Variants in EYA1 observed in about 807,000 individuals in gnomAD.
EYA1 encodes protein phosphatase EYA1.
EYA1 carries 16 observed loss-of-function variants against 82.0 expected under a neutral mutation model. The observed-to-expected ratio is 0.20, with a 90% CI of 0.13 to 0.30. EYA1 has a LOEUF of 0.30. Ranked by LOEUF, EYA1 falls within the 10% of genes least tolerant of loss-of-function variation. The pLI is 1.00. For missense variants in EYA1, 633 were observed against 730.7 expected (o/e 0.87, Z 1.54); for synonymous variants, 261 against 264.4 (o/e 0.99, Z 0.12).
intron 1 of EYA1, among the ~76,000 whole-genome samples, chr8:71,538,278 C>G (rs958247166): frequency 6.6e-6 from 1 of 152,276 alleles, no homozygotes; most frequent in African/African-American, 2.4e-5. Context: ...CTACCTGTCT[C>G]CCCCGCTAGA....
intron 2 of EYA1, among the ~76,000 whole-genome samples, chr8:71,415,119 G>A (rs987037400): frequency 2.6e-5 from 4 of 152,062 alleles, no homozygotes; most frequent in Admixed American, 1.3e-4. Flanking sequence ...GTGGTGTACC[G>A]GCAATATAAA....
intron 2 of EYA1, among the ~76,000 whole-genome samples, chr8:71,521,972 T>C (rs1274291283): frequency 6.6e-6 from 1 of 152,152 alleles, no homozygotes; most frequent in East Asian, 1.9e-4. Flanking sequence ...TTATAAAGCT[T>C]ATTGCTTAAT....
chr8:71,210,713 C>G (rs1443952788), intron 17 of EYA1, among the ~76,000 whole-genome samples: 1 of 152,182 alleles, frequency 6.6e-6, no homozygotes, highest in African/African-American at 2.4e-5. Flanking sequence ...TCTGGGGCAG[C>G]AGATAGTTTT....
chr8:71,346,010 ACACGTG>A (rs1181878673), intron 3 of EYA1, among the ~76,000 whole-genome samples: 4 of 151,892 alleles, frequency 2.6e-5, no homozygotes, highest in African/African-American at 9.7e-5. Flanking sequence ...ACACACGTGC[ACACGTG>A]CGCGCACACA....
At chr8:71,266,389 T>C (rs937132778) in intron 11 of EYA1, among the ~76,000 whole-genome samples, 5 of 152,084 alleles carry the variant, frequency 3.3e-5, no homozygotes, top group African/African-American at 1.2e-4. Flanking sequence ...AGAATCCTTG[T>C]TGAATCACAT....
At chr8:71,271,696 TA>T in intron 10 of EYA1, 61 bp downstream of exon 10, 6 of 1,603,732 alleles carry the variant, frequency 3.7e-6, no homozygotes, top group Non-Finnish European at 5.1e-6. Context: ...AGCAGGTATG[TA>T]AAACCACCAG....
chr8:71,534,132 T>C (rs1029956189), intron 2 of EYA1, among the ~76,000 whole-genome samples: 6 of 152,226 alleles, frequency 3.9e-5, no homozygotes, highest in African/African-American at 1.4e-4. Flanking sequence ...ATTATTAAAT[T>C]AGTTGGTGAT....
At chr8:71,476,032 A>C (rs1178196226) in intron 2 of EYA1, among the ~76,000 whole-genome samples, 1 of 152,156 alleles carries the variant, frequency 6.6e-6, no homozygotes, top group Admixed American at 6.6e-5. Flanking sequence ...TATTTACCTG[A>C]AACTCTTATT....
At chr8:71,394,014 T>A (rs930139925) in intron 2 of EYA1, among the ~76,000 whole-genome samples, 1 of 152,256 alleles carries the variant, frequency 6.6e-6, no homozygotes, top group Non-Finnish European at 1.5e-5. Flanking sequence ...CTCATGGTGG[T>A]TTTTATTTGC....
Position 71,448,199 on chromosome 8 carries a change from G to T in EYA1, c.33+87545C>A, listed in dbSNP as rs114295340. Among the ~76,000 whole-genome samples the T allele has an allele frequency of 2.5e-3, 379 of 151,808 alleles. 3 individuals are homozygous for T. The highest frequency in any genetic ancestry group is 8.9e-3 in the African/African-American group (369 of 41,434). On this transcript the variant is annotated intron_variant, in intron 2 of 18. Transcript: ENST00000643681. ...TTTAAGAGCCTTTCATGCACAATAG[G>T]ACTTCTCGCAAAATTAAAGACAATC...
chr8:71,403,193 A>T (rs1429658778), intron 2 of EYA1, among the ~76,000 whole-genome samples: 1 of 152,254 alleles, frequency 6.6e-6, no homozygotes, highest in Non-Finnish European at 1.5e-5. Flanking sequence ...AATCGTAAGC[A>T]AATCTCCACA....
Position 71,458,232 on chromosome 8 carries a change from C to A in EYA1, c.33+77512G>T, listed in dbSNP as rs1808102774. 4.6e-5 allele frequency among the ~76,000 whole-genome samples: 7 copies of A among 152,064 alleles called. No individual in the cohort carries two copies. In the South Asian group the frequency reaches 1.5e-3, roughly 32 times the overall value. On this transcript the variant is annotated intron_variant, in intron 2 of 18. Coordinates refer to the EYA1 transcript ENST00000643681. ...GAAACTATTGACTTTAGGTTGAATT[C>A]CTAAAACTCTGACTTATATAGTCTG...
At position 71,378,861 on chromosome 8, in the gene EYA1, T is replaced by C. The variant is rs145561019; in HGVS notation, c.34-22350A>G. 8.0e-3 allele frequency among the ~76,000 whole-genome samples: 1,210 copies of C among 152,148 alleles called. 21 individuals carry two copies. Among genetic ancestry groups the C allele is most frequent in the African/African-American group, 0.028 (1,172 of 41,448 alleles). On this transcript the variant is annotated intron_variant, in intron 2 of 18. Coordinates refer to the EYA1 transcript ENST00000643681. ...AAGAAGACTCAATCCATTAAACTTATGTGTTAAATAAAATACTTAAAGAAG... is the reference window on the plus strand; with the variant it reads ...AAGAAGACTCAATCCATTAAACTTACGTGTTAAATAAAATACTTAAAGAAG...
At chr8:71,321,975 T>C (rs1563462300) in intron 5 of EYA1, 96 bp from the exon 6 acceptor site, 1 of 1,531,540 alleles carries the variant, frequency 6.5e-7, no homozygotes, top group Admixed American at 1.7e-5. Flanking sequence ...AGCTAAATAT[T>C]GTATCTTAAA....
intron 11 of EYA1, among the ~76,000 whole-genome samples, chr8:71,244,928 CTCTT>C (rs1325242072): frequency 1.3e-5 from 2 of 152,180 alleles, no homozygotes; most frequent in East Asian, 1.9e-4. Flanking sequence ...GAAGAAAAAA[CTCTT>C]TCTTTACTTT....
At chr8:71,314,507 GT>G (rs1239241368) in intron 7 of EYA1, among the ~76,000 whole-genome samples, 2 of 152,106 alleles carry the variant, frequency 1.3e-5, no homozygotes, top group African/African-American at 2.4e-5. Flanking sequence ...GACCAGAAAT[GT>G]TTTGGATTTT....
At chr8:71,500,547 AACAG>A (rs1207709664) in intron 2 of EYA1, among the ~76,000 whole-genome samples, 1 of 152,170 alleles carries the variant, frequency 6.6e-6, no homozygotes, top group African/African-American at 2.4e-5. Flanking sequence ...GTATGTACAT[AACAG>A]ACAAACAAAC....
rs1219938480 is a variant in EYA1, at chr8:71,361,926, G to C, written c.-334C>G. Reference sequence around the variant, plus strand: ...AAACCCGCCACAGTGGACGGCAACAGGAAGGCTTAAAGTCGGAAGTGGCAC... The same window carrying C: ...AAACCCGCCACAGTGGACGGCAACACGAAGGCTTAAAGTCGGAAGTGGCAC... On this transcript the variant is annotated 5_prime_UTR_variant, in exon 1 of 18. Transcript: ENST00000340726. The C allele has an allele frequency of 1.9e-5, 19 of 985,300 alleles. No individual in the cohort carries two copies. Among genetic ancestry groups the C allele is most frequent in the Non-Finnish European group, 2.2e-5 (18 of 829,934 alleles). The allele number at this position is 985,300 out of a possible 1,614,324, so 61.0% of individuals were successfully genotyped here. A position where few individuals can be genotyped will look rare whatever the true frequency, so the allele number is the denominator to read the frequency against.
At chr8:71,210,656 T>C (rs973629854) in intron 17 of EYA1, among the ~76,000 whole-genome samples, 2 of 152,214 alleles carry the variant, frequency 1.3e-5, no homozygotes, top group Non-Finnish European at 2.9e-5. Context: ...CCCCCTGCCC[T>C]GAGAGAGACA....
Sources: allele counts gnomAD v4.1 joint callset (sites outside exome capture counted in the v4.1 genomes callset), GRCh38; gene constraint gnomAD v4.1.1; transcripts MANE v1.5; gene names NCBI Gene and HGNC (gene_info 2026-07-23, HGNC 2026-07-21).